CRISPLD2: variants seen among roughly 807,000 people sequenced by gnomAD.
CRISPLD2 encodes the protein cysteine rich secretory protein LCCL domain containing 2.
Under a neutral mutation model 71.1 loss-of-function variants are expected in CRISPLD2, and 47 were observed. The observed-to-expected ratio is 0.66, with a 90% CI of 0.52 to 0.84. The LOEUF (loss-of-function observed/expected upper bound fraction) is 0.84. Ranked by LOEUF, CRISPLD2 falls within the 40% of genes least tolerant of loss-of-function variation. The pLI is 0.00. For missense variants in CRISPLD2, 830 were observed against 651.1 expected, an observed-to-expected ratio of 1.27 and a Z score of -2.99; for synonymous variants, 317 against 250.1, an observed-to-expected ratio of 1.27 and a Z score of -2.52.
intron 1 of CRISPLD2, chr16:84,829,298 G>T (rs527589301): frequency 1.3e-5 from 2 of 152,340 alleles, no homozygotes; most frequent in African/African-American, 4.8e-5. Context: ...AAGGAAAACT[G>T]CCAGGCTGCA....
chr16:84,846,552 C>T (rs1197695782), intron 3 of CRISPLD2, among the ~76,000 whole-genome samples: 2 of 152,140 alleles, frequency 1.3e-5, no homozygotes, highest in Non-Finnish European at 2.9e-5. Context: ...CCGCGCCTGG[C>T]CTGTAGTTTG....
intron 14 of CRISPLD2, among the ~76,000 whole-genome samples, chr16:84,890,219 C>T (rs997818778): frequency 4.6e-5 from 7 of 152,228 alleles, no homozygotes; most frequent in Admixed American, 2.0e-4. Flanking sequence ...ATTAGCCAGG[C>T]GTGGTGGCAC....
At chr16:84,893,887 G>T (rs979771991) in intron 14 of CRISPLD2, among the ~76,000 whole-genome samples, 2 of 152,240 alleles carry the variant, frequency 1.3e-5, no homozygotes, top group African/African-American at 4.8e-5. Context: ...CTCTGTCCCT[G>T]ACGGCTGGTA....
chr16:84,904,053 G>A (rs556476957), intron 14 of CRISPLD2, among the ~76,000 whole-genome samples: 18 of 152,332 alleles, frequency 1.2e-4, no homozygotes, highest in African/African-American at 3.4e-4. Context: ...AGGAAGGCCA[G>A]TTGGTCCAAA....
chr16:84,829,312 A>C (rs1033369246), intron 1 of CRISPLD2: 3 of 152,210 alleles, frequency 2.0e-5, no homozygotes, highest in African/African-American at 7.2e-5. Flanking sequence ...GGCTGCAGTG[A>C]GTAGGGGAGA....
chr16:84,865,395 A>G (rs932756519), intron 6 of CRISPLD2, among the ~76,000 whole-genome samples: 3 of 152,064 alleles, frequency 2.0e-5, no homozygotes, highest in African/African-American at 2.4e-5. Context: ...ACCTCATGCA[A>G]TCCACCCGCC....
intron 2 of CRISPLD2, among the ~76,000 whole-genome samples, chr16:84,844,359 G>A (rs747742712): frequency 6.6e-6 from 1 of 152,156 alleles, no homozygotes; most frequent in African/African-American, 2.4e-5. Context: ...TAAAGTATAC[G>A]GACTATAAAA....
chr16:84,904,257 T>G (rs1597489740), intron 14 of CRISPLD2, among the ~76,000 whole-genome samples: 1 of 152,116 alleles, frequency 6.6e-6, no homozygotes, highest in Non-Finnish European at 1.5e-5. Context: ...ATCAAGATGG[T>G]GGTGCTGACA....
chr16:84,898,097 T>C (rs199855871), intron 14 of CRISPLD2, among the ~76,000 whole-genome samples: 1 of 152,204 alleles, frequency 6.6e-6, no homozygotes, highest in Non-Finnish European at 1.5e-5. Flanking sequence ...ATCGTTTCCT[T>C]TTTTCTTTCA....
chr16:84,857,038 T>A (rs1372986373), intron 6 of CRISPLD2, among the ~76,000 whole-genome samples: 1 of 152,186 alleles, frequency 6.6e-6, no homozygotes, highest in African/African-American at 2.4e-5. Context: ...AGAGGTCCAA[T>A]GTAATTAACC....
At chr16:84,899,595 T>A (rs1894321811) in intron 14 of CRISPLD2, among the ~76,000 whole-genome samples, 1 of 152,208 alleles carries the variant, frequency 6.6e-6, no homozygotes, top group Non-Finnish European at 1.5e-5. Flanking sequence ...ATGCTGCCAG[T>A]TGCACGGTGG....
At chr16:84,864,751 C>T (rs887578824) in intron 6 of CRISPLD2, among the ~76,000 whole-genome samples, 5 of 152,124 alleles carry the variant, frequency 3.3e-5, no homozygotes, top group Non-Finnish European at 7.3e-5. Flanking sequence ...GCAGGCTGGC[C>T]CCTGGCCTCT....
Position 84,895,292 on chromosome 16 carries a change from C to T in CRISPLD2, c.1439+5929C>T, listed in dbSNP as rs143146545. Among the ~76,000 whole-genome samples, 116 of 152,328 alleles carry T rather than the reference C, an allele frequency of 7.6e-4. 1 individual carries two copies. The highest frequency in any genetic ancestry group is 2.8e-3 in the African/African-American group (116 of 41,578). On this transcript the variant is annotated intron_variant, in intron 14 of 14. Coordinates refer to ENST00000262424, the MANE Select transcript of CRISPLD2 (RefSeq NM_031476.4). ...TACCAGAATCCATGCTTTTAAGCAG[C>T]ACTCATGACTTCCTCAGCCTGGACA... is the stretch of plus-strand genomic sequence containing the variant.
chr16:84,875,187 G>C (rs773011073), intron 11 of CRISPLD2, among the ~76,000 whole-genome samples: 3 of 152,056 alleles, frequency 2.0e-5, no homozygotes, highest in Admixed American at 6.6e-5. Flanking sequence ...GCTGCAATGA[G>C]TCATGTTCAT....
intron 14 of CRISPLD2, among the ~76,000 whole-genome samples, chr16:84,897,921 C>T (rs1282483114): frequency 3.3e-5 from 5 of 152,224 alleles, no homozygotes; most frequent in Non-Finnish European, 5.9e-5. Context: ...CCGGCTTAAA[C>T]ACGCTTTTTA....
intron 1 of CRISPLD2, among the ~76,000 whole-genome samples, chr16:84,833,654 CCAGAGGT>C (rs1916543259): frequency 6.6e-6 from 1 of 152,150 alleles, no homozygotes; most frequent in Admixed American, 6.5e-5. Context: ...CATCCATCTG[CCAGAGGT>C]CAGAGGTCAG....
chr16:84,827,510 C>G, intron 1 of CRISPLD2, among the ~76,000 whole-genome samples: 1 of 152,000 alleles, frequency 6.6e-6, no homozygotes, highest in Non-Finnish European at 1.5e-5. Flanking sequence ...GACTGTGACC[C>G]CTTCTGAGCC....
rs569071284 is a variant in CRISPLD2, at chr16:84,855,832, C to G, written c.709+1003C>G. Among the ~76,000 whole-genome samples, 5 of 152,300 alleles carry G rather than the reference C, an allele frequency of 3.3e-5. No homozygotes were observed. The South Asian group carries it at 1.0e-3, about 32-fold the overall frequency. On this transcript the variant is annotated intron_variant, in intron 6 of 14. Transcript: ENST00000262424. ...CGTAAAACTGGAAACTCACCAATCC[C>G]CAACCCAAATACTATGACATAAAGT...
chr16:84,857,406 C>T (rs1363321045), intron 6 of CRISPLD2, among the ~76,000 whole-genome samples: 3 of 152,240 alleles, frequency 2.0e-5, no homozygotes, highest in Non-Finnish European at 2.9e-5. Flanking sequence ...TCAGAGAGAT[C>T]CATCCACATC....
Sources: allele counts gnomAD v4.1 joint callset (sites outside exome capture counted in the v4.1 genomes callset), GRCh38; gene constraint gnomAD v4.1.1; transcripts MANE v1.5; gene names NCBI Gene and HGNC (gene_info 2026-07-23, HGNC 2026-07-21).